Variants in CXCL13 observed in about 807,000 individuals in gnomAD.
CXCL13 encodes the protein C-X-C motif chemokine ligand 13, also known as C-X-C motif chemokine 13.
Under a neutral mutation model 12.2 loss-of-function variants are expected in CXCL13, and 7 were observed. That is an observed-to-expected ratio of 0.57 (90% CI 0.33 to 1.07). The LOEUF (loss-of-function observed/expected upper bound fraction) is 1.07, where lower values mean the gene tolerates loss of function less well. CXCL13 is among the 50% of genes least tolerant of loss of function. The pLI is 0.04. For synonymous variants in CXCL13, 47 were observed against 42.4 expected, an observed-to-expected ratio of 1.11 and a Z score of -0.42; for missense variants, 113 against 127.4, an observed-to-expected ratio of 0.89 and a Z score of 0.55.
intron 1 of CXCL13, among the ~76,000 whole-genome samples, chr4:77,558,226 A>T (rs1436436741): frequency 6.6e-6 from 1 of 152,252 alleles, no homozygotes; most frequent in Non-Finnish European, 1.5e-5. Context: ...CCCTAGGTAT[A>T]GGCCCATGGC....
chr4:77,599,011 A>T (rs1578072051), intron 1 of CXCL13, among the ~76,000 whole-genome samples: 1 of 151,972 alleles, frequency 6.6e-6, no homozygotes, highest in South Asian at 2.1e-4. Context: ...GTTTCACCAT[A>T]TTGGCCAGGC....
intron 1 of CXCL13, among the ~76,000 whole-genome samples, chr4:77,584,504 C>T (rs1578065389): frequency 6.6e-6 from 1 of 152,204 alleles, no homozygotes; most frequent in African/African-American, 2.4e-5. Flanking sequence ...ATAATCTCAA[C>T]ATTTGACAGA....
At chr4:77,553,656 C>A (rs1725585936) in intron 1 of CXCL13, among the ~76,000 whole-genome samples, 2 of 152,264 alleles carry the variant, frequency 1.3e-5, no homozygotes, top group South Asian at 4.1e-4. Flanking sequence ...TTTGCCCACC[C>A]CTTCTCCTCC....
intron 1 of CXCL13, among the ~76,000 whole-genome samples, chr4:77,535,584 G>A (rs1300231281): frequency 6.6e-6 from 1 of 152,102 alleles, no homozygotes; most frequent in Admixed American, 6.6e-5. Context: ...TCCAAAGATA[G>A]GGCATAAAAA....
At chr4:77,580,898 T>C (rs1726318270) in intron 1 of CXCL13, among the ~76,000 whole-genome samples, 1 of 150,538 alleles carries the variant, frequency 6.6e-6, no homozygotes, top group African/African-American at 2.5e-5. Context: ...GCCTTCCCTT[T>C]CACTGAGATT....
At chr4:77,556,022 G>C (rs535933957) in intron 1 of CXCL13, among the ~76,000 whole-genome samples, 1 of 152,266 alleles carries the variant, frequency 6.6e-6, no homozygotes, top group South Asian at 2.1e-4. Flanking sequence ...ATGTAGAATG[G>C]TACAACCACT....
chr4:77,558,011 C>T (rs376441609), intron 1 of CXCL13, among the ~76,000 whole-genome samples: 4 of 152,176 alleles, frequency 2.6e-5, no homozygotes, highest in Non-Finnish European at 1.5e-5. Flanking sequence ...TGTGTCCTTG[C>T]TAGAATTTCA....
chr4:77,552,132 C>A (rs1725546705), intron 1 of CXCL13, among the ~76,000 whole-genome samples: 1 of 152,108 alleles, frequency 6.6e-6, no homozygotes, highest in Admixed American at 6.5e-5. Context: ...TAGTGTGATA[C>A]TTTGGTGTCA....
chr4:77,595,971 C>G (rs1204543787), intron 1 of CXCL13, among the ~76,000 whole-genome samples: 1 of 152,224 alleles, frequency 6.6e-6, no homozygotes, highest in Non-Finnish European at 1.5e-5. Flanking sequence ...AAACACCTCT[C>G]CCATGGGTCC....
At chr4:77,570,459 G>T (rs565695540) in intron 1 of CXCL13, among the ~76,000 whole-genome samples, 1 of 152,212 alleles carries the variant, frequency 6.6e-6, no homozygotes, top group Non-Finnish European at 1.5e-5. Context: ...GGCTAGGCAT[G>T]GTGGCTCATG....
chr4:77,535,239 T>C (rs1470074015), intron 1 of CXCL13, among the ~76,000 whole-genome samples: 1 of 152,208 alleles, frequency 6.6e-6, no homozygotes, highest in African/African-American at 2.4e-5. Flanking sequence ...CAATATTCAA[T>C]CATTCATTCA....
chr4:77,565,514 T>C (rs889866259), intron 1 of CXCL13, among the ~76,000 whole-genome samples: 2 of 152,130 alleles, frequency 1.3e-5, no homozygotes, highest in Admixed American at 1.3e-4. Context: ...AGTGTTTTCA[T>C]CAGGAAAATA....
intron 1 of CXCL13, among the ~76,000 whole-genome samples, chr4:77,513,415 C>G (rs1054261973): frequency 1.3e-5 from 2 of 151,974 alleles, no homozygotes; most frequent in Non-Finnish European, 2.9e-5. Flanking sequence ...AAAAGCATTC[C>G]TATTTCTCCA....
intron 1 of CXCL13, among the ~76,000 whole-genome samples, chr4:77,559,843 A>G (rs1254644908): frequency 6.7e-6 from 1 of 149,394 alleles, no homozygotes; most frequent in Admixed American, 6.7e-5. Context: ...ACTGGCGTGA[A>G]CCTGGGACAC....
intron 1 of CXCL13, among the ~76,000 whole-genome samples, chr4:77,543,843 A>G (rs2036909668): frequency 6.6e-6 from 1 of 152,050 alleles, no homozygotes; most frequent in South Asian, 2.1e-4. Flanking sequence ...GGTGTGCTGC[A>G]CCCACTAACT....
chr4:77,513,454 A>ATTT (rs1724322377), intron 1 of CXCL13, among the ~76,000 whole-genome samples: 2 of 146,136 alleles, frequency 1.4e-5, no homozygotes, highest in African/African-American at 5.2e-5. Context: ...TTGTTTCCTG[A>ATTT]CTTTTTTTTT....
Position 77,568,698 on chromosome 4 carries a change from T to C in CXCL13, c.-42-37126T>C, listed in dbSNP as rs77863231. Among the ~76,000 whole-genome samples the C allele has an allele frequency of 6.4e-3, 973 of 152,242 alleles. 17 individuals are homozygous for C. The highest frequency in any genetic ancestry group is 0.021 in the African/African-American group (872 of 41,532). On this transcript the variant is annotated intron_variant, in intron 1 of 4. Transcript: ENST00000286758. ...TGGCATTTGGTGTGAGGATCTTCACTGGCTGATACTTGGGTATTTTGGGCT... is the reference window on the plus strand; with the variant it reads ...TGGCATTTGGTGTGAGGATCTTCACCGGCTGATACTTGGGTATTTTGGGCT...
chr4:77,516,185 T>G (rs952534190), intron 1 of CXCL13, among the ~76,000 whole-genome samples: 2 of 152,228 alleles, frequency 1.3e-5, no homozygotes, highest in African/African-American at 4.8e-5. Flanking sequence ...ATAAGCTTTT[T>G]GATGTGCTGC....
At chr4:77,567,691 C>A (rs1296332874) in intron 1 of CXCL13, among the ~76,000 whole-genome samples, 1 of 152,136 alleles carries the variant, frequency 6.6e-6, no homozygotes, top group Non-Finnish European at 1.5e-5. Context: ...TGCTTATCTG[C>A]TAATTATAGT....
Sources: gnomAD v4.1 joint callset for allele counts (sites outside exome capture counted in the v4.1 genomes callset) on GRCh38, gnomAD v4.1.1 for gene constraint, MANE v1.5 for transcripts, NCBI Gene and HGNC (gene_info 2026-07-23, HGNC 2026-07-21) for gene names.